TMEM131L: variants seen among roughly 807,000 people sequenced by gnomAD.
TMEM131L encodes the protein transmembrane 131 like, also known as transmembrane protein 131-like.
Under a neutral mutation model 192.2 loss-of-function variants are expected in TMEM131L, and 54 were observed. The ratio of observed to expected loss-of-function variants is 0.28; its 90% CI spans 0.23 to 0.35. The LOEUF (loss-of-function observed/expected upper bound fraction) is 0.35. Among genes scored for constraint, TMEM131L ranks in the 10% least tolerant of loss-of-function variants. The pLI, the probability that TMEM131L is intolerant of heterozygous loss-of-function variation, is 1.00. For missense variants in TMEM131L, 1,888 were observed against 1,972.9 expected, an observed-to-expected ratio of 0.96 and a Z score of 0.82; for synonymous variants, 701 against 704.9, an observed-to-expected ratio of 0.99 and a Z score of 0.09.
At chr4:153,612,708 A>G (rs1578866003) in intron 26 of TMEM131L, among the ~76,000 whole-genome samples, 2 of 152,134 alleles carry the variant, frequency 1.3e-5, no homozygotes, top group Admixed American at 1.3e-4. Context: ...TTATTACTGA[A>G]CATCTATATT....
intron 3 of TMEM131L, among the ~76,000 whole-genome samples, chr4:153,476,576 A>G (rs1731554263): frequency 6.6e-6 from 1 of 152,070 alleles, no homozygotes; most frequent in Admixed American, 6.6e-5. Flanking sequence ...GGGCGCCTGT[A>G]GTCCCAGCTA....
At chr4:153,490,902 C>T (rs1041422320) in intron 3 of TMEM131L, among the ~76,000 whole-genome samples, 4 of 145,644 alleles carry the variant, frequency 2.7e-5, no homozygotes, top group South Asian at 2.2e-4. Context: ...TGCAGTGAGC[C>T]GAGATCACGC....
Position 153,562,124 on chromosome 4 carries a change from G to A in TMEM131L, c.660+3756G>A, listed in dbSNP as rs192411896. Among the ~76,000 whole-genome samples, 300 of 151,034 alleles carry A rather than the reference G, an allele frequency of 2.0e-3. 4 individuals are homozygous for A. Among genetic ancestry groups the A allele is most frequent in the South Asian group, 7.3e-3 (35 of 4,776 alleles). ...GCGATCTCAGCTCACTGCAACCTCC[G>A]CCTCCTGGGTTCAAGCAATTCTGCT... On this transcript the variant is annotated intron_variant, in intron 7 of 34. Transcript: ENST00000409959.
rs763910304 is a variant in TMEM131L, at chr4:153,626,198, A to T, written c.4097A>T (p.Asn1366Ile). ...DFPSEAPISLNLSHNICNPMT... is the reference protein window; with the variant it reads ...DFPSEAPISLILSHNICNPMT... Reference sequence around the variant, plus strand: ...CCTTCTGAAGCTCCCATCTCCTTGAATCTTTCTCATAACATCTGCAATCCC... The same window carrying T: ...CCTTCTGAAGCTCCCATCTCCTTGATTCTTTCTCATAACATCTGCAATCCC... Residue 1366 changes from asparagine to isoleucine, a missense_variant, in exon 30 of 35, where the codon AAT (asparagine) becomes ATT (isoleucine). Physicochemically the swap from Asn to Ile is moderately radical, Grantham distance 149 (BLOSUM62 -3). Transcript: ENST00000409959. 1.2e-6 allele frequency: 2 copies of T among 1,611,410 alleles called. No homozygotes were observed. The highest frequency in any genetic ancestry group is 3.3e-5 in the Admixed American group (2 of 59,986).
intron 20 of TMEM131L, among the ~76,000 whole-genome samples, chr4:153,597,540 T>C (rs1262473212): frequency 1.3e-5 from 2 of 152,234 alleles, no homozygotes; most frequent in African/African-American, 4.8e-5. Context: ...GCTATTTCAG[T>C]GTATTCTATA....
chr4:153,529,318 C>T, intron 3 of TMEM131L, among the ~76,000 whole-genome samples: 2 of 152,144 alleles, frequency 1.3e-5, no homozygotes, highest in Middle Eastern at 6.8e-3. Context: ...GGATGGAATC[C>T]TTTTTACAAA....
chr4:153,491,331 C>T (rs1404317370), intron 3 of TMEM131L, among the ~76,000 whole-genome samples: 3 of 152,078 alleles, frequency 2.0e-5, no homozygotes, highest in African/African-American at 7.2e-5. Flanking sequence ...AAGAGAAAAA[C>T]CGTGTTTTGA....
chr4:153,621,347 A>G (rs1445467718), intron 27 of TMEM131L, among the ~76,000 whole-genome samples: 1 of 152,194 alleles, frequency 6.6e-6, no homozygotes, highest in Non-Finnish European at 1.5e-5. Context: ...TCAGTCCTGC[A>G]GAAGGTAGGT....
At position 153,621,810 on chromosome 4, in the gene TMEM131L, G is replaced by A. The variant is rs368692455; in HGVS notation, c.3820G>A (p.Glu1274Lys). Residue 1274 changes from glutamate to lysine, a missense_variant, in exon 28 of 35, where the codon GAA becomes AAA. Transcript: ENST00000409959. ...STREVCKADA[E>K]IASSLPAAQR... ...TAGGGAGGTTTGTAAAGCAGATGCC[G>A]AAATTGCAAGCAGTTTACCTGCTGC... The A allele has an allele frequency of 3.2e-5, 52 of 1,614,112 alleles. No homozygotes were observed. Among genetic ancestry groups the A allele is most frequent in the African/African-American group, 1.7e-4 (13 of 75,028 alleles).
intron 6 of TMEM131L, 25 bp downstream of exon 6, chr4:153,557,107 C>A: frequency 8.8e-7 from 1 of 1,130,610 alleles, no homozygotes; most frequent in Non-Finnish European, 1.3e-6. Context: ...CCTTTTGTCA[C>A]AACTTTGGTT....
chr4:153,628,895 C>T (rs549893358), intron 31 of TMEM131L, among the ~76,000 whole-genome samples: 3 of 152,326 alleles, frequency 2.0e-5, no homozygotes, highest in African/African-American at 7.2e-5. Context: ...CTTGGCCCCA[C>T]TGACAGAGTA....
At chr4:153,538,662 G>C (rs1736525734) in intron 3 of TMEM131L, among the ~76,000 whole-genome samples, 1 of 152,248 alleles carries the variant, frequency 6.6e-6, no homozygotes, top group African/African-American at 2.4e-5. Context: ...AGGCCATGTA[G>C]TATTAGTTCC....
At chr4:153,535,189 G>T (rs1418951167) in intron 3 of TMEM131L, among the ~76,000 whole-genome samples, 1 of 152,160 alleles carries the variant, frequency 6.6e-6, no homozygotes, top group Non-Finnish European at 1.5e-5. Flanking sequence ...ATGGGATGCG[G>T]GGTGTGAGAA....
At chr4:153,515,554 G>T (rs1734671556) in intron 3 of TMEM131L, among the ~76,000 whole-genome samples, 2 of 152,196 alleles carry the variant, frequency 1.3e-5, no homozygotes, top group African/African-American at 2.4e-5. Context: ...GCAAGTGTTT[G>T]TGTGGACGTA....
intron 2 of TMEM131L, among the ~76,000 whole-genome samples, chr4:153,471,361 G>C (rs1731148771): frequency 6.6e-6 from 1 of 152,112 alleles, no homozygotes; most frequent in Non-Finnish European, 1.5e-5. Flanking sequence ...GGGCTGGGCT[G>C]CTAAGGGTTG....
intron 25 of TMEM131L, among the ~76,000 whole-genome samples, chr4:153,607,382 C>G (rs1294722592): frequency 6.6e-6 from 1 of 152,202 alleles, no homozygotes; most frequent in Non-Finnish European, 1.5e-5. Flanking sequence ...ATTGTAAGAT[C>G]TTTTCTAGAA....
intron 3 of TMEM131L, among the ~76,000 whole-genome samples, chr4:153,513,849 C>T (rs918972053): frequency 9.2e-5 from 14 of 152,246 alleles, no homozygotes; most frequent in African/African-American, 2.9e-4. Context: ...ACAATTTTGT[C>T]AAGAATTACA....
intron 26 of TMEM131L, among the ~76,000 whole-genome samples, chr4:153,619,773 C>T (rs1414156004): frequency 6.6e-6 from 1 of 152,190 alleles, no homozygotes; most frequent in Non-Finnish European, 1.5e-5. Context: ...ATTGCTGGGC[C>T]AACCTTCTGA....
chr4:153,532,491 A>G (rs1735975381), intron 3 of TMEM131L, among the ~76,000 whole-genome samples: 1 of 152,042 alleles, frequency 6.6e-6, no homozygotes, highest in South Asian at 2.1e-4. Context: ...CATGGCATAC[A>G]ATTTGCCCAC....
Sources: allele counts gnomAD v4.1 joint callset (sites outside exome capture counted in the v4.1 genomes callset), GRCh38; gene constraint gnomAD v4.1.1; transcripts MANE v1.5; gene names NCBI Gene and HGNC (gene_info 2026-07-23, HGNC 2026-07-21).